Variants in CNTNAP2 observed in about 807,000 individuals in gnomAD.
CNTNAP2 encodes the protein contactin associated protein 2, also known as contactin-associated protein-like 2.
CNTNAP2 carries 98 observed loss-of-function variants against 155.2 expected under a neutral mutation model. That is an observed-to-expected ratio of 0.63 (90% CI 0.54 to 0.75). The LOEUF (loss-of-function observed/expected upper bound fraction) is 0.75. Ranked by LOEUF, CNTNAP2 falls within the 30% of genes least tolerant of loss-of-function variation. The probability of loss-of-function intolerance (pLI) is 0.00; values close to 1 mark genes in which losing one functional copy is unlikely to be tolerated. For synonymous variants in CNTNAP2, 651 were observed against 631.2 expected (o/e 1.03, Z -0.47); for missense variants, 1,727 against 1,688.1 (o/e 1.02, Z -0.40).
At chr7:146,475,005 GCGCGCGCGCA>G (rs1337832584) in intron 1 of CNTNAP2, among the ~76,000 whole-genome samples, 3 of 127,426 alleles carry the variant, frequency 2.4e-5, no homozygotes, top group Admixed American at 8.7e-5. Flanking sequence ...GCGCACGCGC[GCGCGCGCGCA>G]CACACACACA....
intron 12 of CNTNAP2, among the ~76,000 whole-genome samples, chr7:147,600,446 G>A (rs1287190616): frequency 6.6e-6 from 1 of 152,124 alleles, no homozygotes; most frequent in African/African-American, 2.4e-5. Flanking sequence ...AAACAAATCA[G>A]CATGCCCAAG....
At chr7:148,143,656 G>A (rs1372538359) in intron 16 of CNTNAP2, among the ~76,000 whole-genome samples, 1 of 152,130 alleles carries the variant, frequency 6.6e-6, no homozygotes, top group Non-Finnish European at 1.5e-5. Context: ...TGCAGCCTGG[G>A]TGACAGAACA....
At chr7:148,355,244 C>G (rs974899486) in intron 21 of CNTNAP2, among the ~76,000 whole-genome samples, 2 of 115,980 alleles carry the variant, frequency 1.7e-5, no homozygotes, top group African/African-American at 6.8e-5. Context: ...TGCAGTGGTG[C>G]GATCTCGGCT....
chr7:147,075,767 G>T (rs1799986333), intron 4 of CNTNAP2, among the ~76,000 whole-genome samples: 1 of 151,882 alleles, frequency 6.6e-6, no homozygotes, highest in Non-Finnish European at 1.5e-5. Flanking sequence ...ATCTCCTAAT[G>T]CTATCCCTCC....
At chr7:147,734,164 G>A (rs567014748) in intron 13 of CNTNAP2, among the ~76,000 whole-genome samples, 97 of 152,198 alleles carry the variant, frequency 6.4e-4, no homozygotes, top group African/African-American at 2.2e-3. Context: ...GTCATAAATA[G>A]CCTTTATTAT....
intron 14 of CNTNAP2, among the ~76,000 whole-genome samples, chr7:147,923,582 C>G (rs1800324587): frequency 6.6e-6 from 1 of 151,954 alleles, no homozygotes; most frequent in Non-Finnish European, 1.5e-5. Flanking sequence ...GGTATAATCA[C>G]AGCTCACTGC....
At chr7:146,780,961 G>T (rs1802475642) in intron 2 of CNTNAP2, among the ~76,000 whole-genome samples, 1 of 152,036 alleles carries the variant, frequency 6.6e-6, no homozygotes, top group South Asian at 2.1e-4. Context: ...GGGCGCGGTG[G>T]CTCACGCCTG....
rs75227126 is a variant in CNTNAP2, at chr7:147,407,384, C to T, written c.1670+11604C>T. ...TCGGGAGGCTGAGGCAGAAGAATGGCGTGAACCCGGGAGGTGGAGGTTGCA... is the reference window on the plus strand; with the variant it reads ...TCGGGAGGCTGAGGCAGAAGAATGGTGTGAACCCGGGAGGTGGAGGTTGCA... On this transcript the variant is annotated intron_variant, in intron 10 of 23. Coordinates refer to ENST00000361727, the MANE Select transcript of CNTNAP2 (RefSeq NM_014141.6). Among the ~76,000 whole-genome samples, 135 of 143,166 alleles carry T rather than the reference C, an allele frequency of 9.4e-4. 2 individuals are homozygous for T. Among genetic ancestry groups the T allele is most frequent in the African/African-American group, 3.3e-3 (129 of 39,562 alleles). The allele number at this position is 143,166 out of a possible 152,430, so 93.9% of individuals were successfully genotyped here.
chr7:147,060,197 ATC>A (rs1343456046), intron 4 of CNTNAP2, among the ~76,000 whole-genome samples: 54 of 90,674 alleles, frequency 6.0e-4, no homozygotes, highest in Middle Eastern at 0.01. Context: ...AAAAAAATGT[ATC>A]TGTCCTTGAG....
At chr7:146,202,508 T>C (rs1254189723) in intron 1 of CNTNAP2, among the ~76,000 whole-genome samples, 1 of 152,148 alleles carries the variant, frequency 6.6e-6, no homozygotes, top group Non-Finnish European at 1.5e-5. Context: ...TCGCCTTGAC[T>C]CAGCCATTAC....
intron 15 of CNTNAP2, among the ~76,000 whole-genome samples, chr7:148,103,647 A>G (rs1804149731): frequency 6.6e-6 from 1 of 151,548 alleles, no homozygotes; most frequent in Non-Finnish European, 1.5e-5. Context: ...CACACTAAAA[A>G]CAGCAACAAA....
At chr7:147,149,410 C>T (rs930320216) in intron 8 of CNTNAP2, among the ~76,000 whole-genome samples, 1 of 152,148 alleles carries the variant, frequency 6.6e-6, no homozygotes, top group Admixed American at 6.5e-5. Flanking sequence ...AGTCCCCACT[C>T]GACCCAGGAA....
chr7:148,083,739 C>T (rs117943957), intron 15 of CNTNAP2, among the ~76,000 whole-genome samples: 32 of 152,186 alleles, frequency 2.1e-4, no homozygotes, highest in East Asian at 1.4e-3. Context: ...TCTCTGGGGA[C>T]GCAGGAGTCT....
At chr7:146,317,264 G>T (rs1250051468) in intron 1 of CNTNAP2, among the ~76,000 whole-genome samples, 1 of 152,092 alleles carries the variant, frequency 6.6e-6, no homozygotes, top group African/African-American at 2.4e-5. Flanking sequence ...AAGCAAATAG[G>T]TAATCATCTA....
chr7:148,006,477 G>A (rs773339860), intron 15 of CNTNAP2, among the ~76,000 whole-genome samples: 19 of 151,508 alleles, frequency 1.3e-4, no homozygotes, highest in Non-Finnish European at 1.9e-4. Flanking sequence ...GCGCCACCAC[G>A]CCTGGCTATT....
At chr7:147,683,664 C>A (rs1244008577) in intron 13 of CNTNAP2, among the ~76,000 whole-genome samples, 1 of 150,194 alleles carries the variant, frequency 6.7e-6, no homozygotes, top group Admixed American at 6.7e-5. Context: ...CTAACTAATA[C>A]ATATGGCACA....
chr7:146,711,840 G>A (rs1431053092), intron 1 of CNTNAP2, among the ~76,000 whole-genome samples: 2 of 101,268 alleles, frequency 2.0e-5, no homozygotes. Context: ...CACATCTTAT[G>A]TATACAATAT....
rs1278745271 is a variant in CNTNAP2 at position 147,918,852 on chromosome 7, G to A, written c.2255+15131G>A. ...GGTTACTATATTAGGCAGAATAATGGCCCCCAAGATGTTCACATTCTAATT... is the reference window on the plus strand; with the variant it reads ...GGTTACTATATTAGGCAGAATAATGACCCCCAAGATGTTCACATTCTAATT... On this transcript the variant is annotated intron_variant, in intron 14 of 23. Coordinates refer to ENST00000361727, the MANE Select transcript of CNTNAP2 (RefSeq NM_014141.6). Among the ~76,000 whole-genome samples the A allele has an allele frequency of 3.3e-5, 5 of 152,242 alleles. No homozygotes were observed. The East Asian group carries it at 7.7e-4, about 24-fold the overall frequency.
intron 9 of CNTNAP2, among the ~76,000 whole-genome samples, chr7:147,368,122 A>ACACG (rs1249369651): frequency 6.9e-6 from 1 of 145,358 alleles, no homozygotes; most frequent in Non-Finnish European, 1.5e-5. Flanking sequence ...ACACACACAC[A>ACACG]CACACACACA....
Sources: allele counts gnomAD v4.1 joint callset (sites outside exome capture counted in the v4.1 genomes callset), GRCh38; gene constraint gnomAD v4.1.1; transcripts MANE v1.5; gene names NCBI Gene and HGNC (gene_info 2026-07-23, HGNC 2026-07-21).